CNTNAP2: variants seen among roughly 807,000 people sequenced by gnomAD.
CNTNAP2 encodes the protein contactin-associated protein-like 2.
In CNTNAP2, 98 loss-of-function variants were observed where a neutral mutation model predicts 155.2. The ratio of observed to expected loss-of-function variants is 0.63; its 90% CI spans 0.54 to 0.75. CNTNAP2 has a LOEUF of 0.75. Among genes scored for constraint, CNTNAP2 ranks in the 30% least tolerant of loss-of-function variants. The pLI is 0.00. For missense variants in CNTNAP2, 1,727 were observed against 1,688.1 expected (o/e 1.02, Z -0.40); for synonymous variants, 651 against 631.2 (o/e 1.03, Z -0.47).
chr7:146,709,092 T>C (rs764600929), intron 1 of CNTNAP2, among the ~76,000 whole-genome samples: 9 of 152,180 alleles, frequency 5.9e-5, no homozygotes, highest in Non-Finnish European at 5.9e-5. Flanking sequence ...GTAACATAAT[T>C]GTGATTTCAT....
At chr7:147,816,218 G>C (rs957675671) in intron 13 of CNTNAP2, among the ~76,000 whole-genome samples, 24 of 152,022 alleles carry the variant, frequency 1.6e-4, no homozygotes, top group African/African-American at 5.8e-4. Flanking sequence ...AGGTTTCTGT[G>C]GATCACCAGG....
At chr7:147,017,396 T>G (rs76209533) in intron 3 of CNTNAP2, among the ~76,000 whole-genome samples, 47 of 152,210 alleles carry the variant, frequency 3.1e-4, no homozygotes, top group Admixed American at 2.7e-3. Flanking sequence ...ATTTCTCTAC[T>G]AGCAATTGTA....
At chr7:146,380,080 G>A (rs890975098) in intron 1 of CNTNAP2, among the ~76,000 whole-genome samples, 28 of 152,104 alleles carry the variant, frequency 1.8e-4, no homozygotes, top group African/African-American at 6.5e-4. Flanking sequence ...TGAACTTAAT[G>A]TGCTTTATGA....
intron 1 of CNTNAP2, among the ~76,000 whole-genome samples, chr7:146,302,709 G>A (rs981587046): frequency 6.6e-6 from 1 of 152,044 alleles, no homozygotes; most frequent in Non-Finnish European, 1.5e-5. Context: ...TAAAATGTGG[G>A]TCAAACCATA....
At chr7:147,317,098 A>G (rs1795246368) in intron 9 of CNTNAP2, among the ~76,000 whole-genome samples, 1 of 152,160 alleles carries the variant, frequency 6.6e-6, no homozygotes. Flanking sequence ...ATTATCCATA[A>G]CTATTCATCT....
At chr7:146,216,656 T>A (rs1459568719) in intron 1 of CNTNAP2, among the ~76,000 whole-genome samples, 1 of 152,224 alleles carries the variant, frequency 6.6e-6, no homozygotes, top group African/African-American at 2.4e-5. Flanking sequence ...CCATGCTTAT[T>A]GATTCTCTAG....
intron 3 of CNTNAP2, among the ~76,000 whole-genome samples, chr7:146,922,978 A>G (rs1796534992): frequency 6.6e-6 from 1 of 152,180 alleles, no homozygotes; most frequent in Non-Finnish European, 1.5e-5. Context: ...TGACAACATA[A>G]GGGAAAAATG....
At chr7:147,922,308 C>T (rs1800296850) in intron 14 of CNTNAP2, among the ~76,000 whole-genome samples, 1 of 152,174 alleles carries the variant, frequency 6.6e-6, no homozygotes, top group African/African-American at 2.4e-5. Context: ...GACTGTGCCC[C>T]AACCCTGCTT....
chr7:147,397,062 T>C (rs1255529586), intron 10 of CNTNAP2, among the ~76,000 whole-genome samples: 1 of 152,058 alleles, frequency 6.6e-6, no homozygotes, highest in Non-Finnish European at 1.5e-5. Context: ...GTGTGAATGG[T>C]AAGTTACAGT....
chr7:146,525,532 T>TTATCTATCATC (rs368170086), intron 1 of CNTNAP2, among the ~76,000 whole-genome samples: 1 of 147,842 alleles, frequency 6.8e-6, no homozygotes, highest in Non-Finnish European at 1.5e-5. Flanking sequence ...TCTTTTCAGT[T>TTATCTATCATC]TATCTATCTA....
At chr7:147,942,108 T>G (rs1800734394) in intron 14 of CNTNAP2, among the ~76,000 whole-genome samples, 1 of 152,230 alleles carries the variant, frequency 6.6e-6, no homozygotes, top group African/African-American at 2.4e-5. Context: ...CTGAGGTTCT[T>G]TATGTCCTTA....
At chr7:146,123,990 A>T (rs1797599801) in intron 1 of CNTNAP2, among the ~76,000 whole-genome samples, 1 of 152,162 alleles carries the variant, frequency 6.6e-6, no homozygotes, top group Admixed American at 6.6e-5. Context: ...CAGCAAACTA[A>T]CACAGGAACA....
intron 1 of CNTNAP2, among the ~76,000 whole-genome samples, chr7:146,271,900 G>A (rs1027467257): frequency 1.1e-4 from 16 of 152,048 alleles, no homozygotes; most frequent in African/African-American, 3.4e-4. Context: ...TTATATTAAA[G>A]TTGGTTTACA....
intron 1 of CNTNAP2, among the ~76,000 whole-genome samples, chr7:146,348,760 C>T (rs1212958108): frequency 1.3e-5 from 2 of 150,290 alleles, no homozygotes; most frequent in East Asian, 3.9e-4. Flanking sequence ...GTCTCGTTAA[C>T]ACCAAACAAT....
intron 12 of CNTNAP2, among the ~76,000 whole-genome samples, chr7:147,616,009 A>G (rs959196335): frequency 2.0e-5 from 3 of 151,684 alleles, no homozygotes; most frequent in African/African-American, 7.3e-5. Flanking sequence ...TGGTACCATC[A>G]TTTGCCTGGA....
At chr7:146,975,059 A>G (rs1213203600) in intron 3 of CNTNAP2, among the ~76,000 whole-genome samples, 1 of 152,230 alleles carries the variant, frequency 6.6e-6, no homozygotes, top group Non-Finnish European at 1.5e-5. Flanking sequence ...ATTTTCGCAA[A>G]TAGTTGTTTG....
At chr7:146,503,298 G>T (rs543265341) in intron 1 of CNTNAP2, among the ~76,000 whole-genome samples, 2 of 152,076 alleles carry the variant, frequency 1.3e-5, no homozygotes, top group Non-Finnish European at 2.9e-5. Context: ...TGTCCAACCC[G>T]CAGCCTATGG....
chr7:146,229,722 G>GT (rs59076382), intron 1 of CNTNAP2, among the ~76,000 whole-genome samples: 23 of 150,810 alleles, frequency 1.5e-4, no homozygotes, highest in Middle Eastern at 3.5e-3. Context: ...GAAGTTTTTT[G>GT]TTTTTTTTTT....
At chr7:148,180,198 C>A (rs1795012662) in intron 18 of CNTNAP2, among the ~76,000 whole-genome samples, 1 of 152,188 alleles carries the variant, frequency 6.6e-6, no homozygotes, top group African/African-American at 2.4e-5. Context: ...AAGACACTTT[C>A]ACATCAGTAG....
Sources: gnomAD v4.1 joint callset for allele counts (sites outside exome capture counted in the v4.1 genomes callset) on GRCh38, gnomAD v4.1.1 for gene constraint, MANE v1.5 for transcripts, NCBI Gene and HGNC (gene_info 2026-07-23, HGNC 2026-07-21) for gene names.